Variants in LMTK2 observed in about 807,000 individuals in gnomAD.
LMTK2 encodes the protein lemur tail kinase 2.
Under a neutral mutation model 127.5 loss-of-function variants are expected in LMTK2, and 37 were observed. The observed-to-expected ratio is 0.29, with a 90% CI of 0.22 to 0.38. The LOEUF (loss-of-function observed/expected upper bound fraction) is 0.38. LMTK2 is among the 10% of genes least tolerant of loss of function. LMTK2 has a pLI of 1.00. For missense variants in LMTK2, 1,694 were observed against 1,920.3 expected, an observed-to-expected ratio of 0.88 and a Z score of 2.20; for synonymous variants, 819 against 810.1, an observed-to-expected ratio of 1.01 and a Z score of -0.19.
intron 6 of LMTK2, among the ~76,000 whole-genome samples, chr7:98,163,010 G>T (rs1403601309): frequency 6.6e-6 from 1 of 152,150 alleles, no homozygotes; most frequent in Non-Finnish European, 1.5e-5. Context: ...ATTATGGGAA[G>T]TGAAACAAGC....
chr7:98,141,341 G>C, intron 2 of LMTK2, 56 bp from the exon 3 acceptor site: 1 of 1,507,854 alleles, frequency 6.6e-7, no homozygotes, highest in South Asian at 1.1e-5. Context: ...GTGCAAATAT[G>C]TTCCTATTTT....
chr7:98,182,191 A>C (rs1299090122), intron 7 of LMTK2, among the ~76,000 whole-genome samples: 1 of 152,250 alleles, frequency 6.6e-6, no homozygotes, highest in Non-Finnish European at 1.5e-5. Flanking sequence ...TGATTTATTC[A>C]GCAGTTATTT....
chr7:98,137,276 A>G (rs773252866), intron 1 of LMTK2, 39 bp from the exon 2 acceptor site: 1 of 1,577,892 alleles, frequency 6.3e-7, no homozygotes, highest in Non-Finnish European at 8.6e-7. Context: ...TTGATTTTGG[A>G]ATGTACATGT....
chr7:98,115,850 A>G (rs951236517), intron 1 of LMTK2, among the ~76,000 whole-genome samples: 7 of 152,168 alleles, frequency 4.6e-5, no homozygotes, highest in Admixed American at 2.6e-4. Context: ...CACTTAATAA[A>G]TACCAAATAC....
At position 98,192,335 on chromosome 7, in the gene LMTK2, G is replaced by A. The variant is rs34628253; in HGVS notation, c.1870G>A (p.Val624Met). 3.1e-5 allele frequency: 48 copies of A among 1,571,966 alleles called. No individual in the cohort carries two copies. Among genetic ancestry groups the A allele is most frequent in the East Asian group, 4.5e-5 (2 of 44,756 alleles). Reference sequence around the variant, plus strand: ...CTCTAGCTTACCAGGGGACTTACACGTGACCAGTGGCCCCGAGAGCCCTTT... The same window carrying A: ...CTCTAGCTTACCAGGGGACTTACACATGACCAGTGGCCCCGAGAGCCCTTT... ...KDSSLPGDLH[V>M]TSGPESPFNN... Residue 624 changes from valine to methionine, a missense_variant, in exon 11 of 14, where the codon GTG (valine) becomes ATG (methionine). Transcript: ENST00000297293.
At chr7:98,170,518 C>T (rs1208537248) in intron 6 of LMTK2, among the ~76,000 whole-genome samples, 1 of 151,900 alleles carries the variant, frequency 6.6e-6, no homozygotes, top group Non-Finnish European at 1.5e-5. Flanking sequence ...AAGGAAAATG[C>T]CCTTCCTCAG....
At chr7:98,197,997 C>T (rs1181923667) in intron 11 of LMTK2, among the ~76,000 whole-genome samples, 5 of 152,104 alleles carry the variant, frequency 3.3e-5, no homozygotes, top group Non-Finnish European at 7.4e-5. Flanking sequence ...GGAAGTATTT[C>T]CTTCTCTGAT....
chr7:98,118,563 A>C (rs1360664826), intron 1 of LMTK2, among the ~76,000 whole-genome samples: 3 of 152,130 alleles, frequency 2.0e-5, no homozygotes, highest in Non-Finnish European at 2.9e-5. Context: ...TCAAACATAC[A>C]GAAAAATAGA....
chr7:98,203,651 A>G lies in LMTK2; in HGVS notation c.4185A>G (p.Ser1395=). ...GPDLSGPAPA[S]GSPYLSRCIN... ...ACCTGAGCGGCCCAGCCCCAGCCTC[A>G]GGCTCTCCCTACCTGAGCAGGTGCA... The change falls in exon 12 of 14, where the codon TCA becomes TCG. Residue 1395 remains serine (S), a synonymous_variant. Coordinates refer to ENST00000297293, the MANE Select transcript of LMTK2 (RefSeq NM_014916.4). 6.2e-7 allele frequency: 1 copy of G among 1,613,774 alleles called. No individual in the cohort carries two copies. The highest frequency in any genetic ancestry group is 8.5e-7 in the Non-Finnish European group (1 of 1,179,956).
Position 98,205,739 on chromosome 7 carries a change from C to A in LMTK2, c.*247C>A, listed in dbSNP as rs1797784692. ...TGCCCCGTGCACCCGCGGCCGCGGC[C>A]TCCCAGGCAGTGCTCATGCGCTGGC... On this transcript the variant is annotated 3_prime_UTR_variant, in exon 14 of 14. Coordinates refer to ENST00000297293, the MANE Select transcript of LMTK2 (RefSeq NM_014916.4). The A allele has an allele frequency of 7.0e-6, 4 of 575,004 alleles. No individual in the cohort carries two copies. Among genetic ancestry groups the A allele is most frequent in the African/African-American group, 5.6e-5 (3 of 53,326 alleles). The allele number at this position is 575,004 out of a possible 1,614,324, so 35.6% of individuals were successfully genotyped here.
chr7:98,139,737 A>G (rs1176426273), intron 2 of LMTK2, among the ~76,000 whole-genome samples: 3 of 152,250 alleles, frequency 2.0e-5, no homozygotes, highest in East Asian at 1.9e-4. Context: ...TCTCACACGC[A>G]TATGGAAACA....
At chr7:98,199,890 T>A (rs898035548) in intron 11 of LMTK2, among the ~76,000 whole-genome samples, 3 of 152,222 alleles carry the variant, frequency 2.0e-5, no homozygotes, top group Admixed American at 6.5e-5. Flanking sequence ...TTCTTGCAGA[T>A]CTTATAGTTA....
At chr7:98,115,721 G>A (rs1796271892) in intron 1 of LMTK2, among the ~76,000 whole-genome samples, 4 of 151,952 alleles carry the variant, frequency 2.6e-5, no homozygotes, top group African/African-American at 4.8e-5. Context: ...CCCGGGAGGC[G>A]GAGGTTGCAG....
chr7:98,186,857 T>G lies in LMTK2; in HGVS notation c.877-20T>G, dbSNP rs1562918546. The stretch of plus-strand genomic sequence containing the variant: ...AAGTATAATTCTATTCAAAATTCTG[T>G]GTGCTTTCTAACAAAACAGGAGGAT... On this transcript the variant is annotated intron_variant, in intron 8 of 13. Transcript: ENST00000297293. The G allele has an allele frequency of 1.9e-6, 3 of 1,605,400 alleles. No homozygotes were observed. The highest frequency in any genetic ancestry group is 1.7e-5 in the Admixed American group (1 of 59,224).
intron 3 of LMTK2, among the ~76,000 whole-genome samples, chr7:98,145,040 C>G (rs1287202387): frequency 6.6e-6 from 1 of 152,116 alleles, no homozygotes; most frequent in African/African-American, 2.4e-5. Context: ...TAAAGTGGGT[C>G]AAAGAGTACA....
In LMTK2 at chr7:98,106,946, G is replaced by C. The variant is rs1178729782; in HGVS notation, c.-232G>C. 2.1e-6 allele frequency: 1 copy of C among 468,314 alleles called. No homozygotes were observed. The highest frequency in any genetic ancestry group is 4.4e-5 in the Admixed American group (1 of 22,914). The allele number at this position is 468,314 out of a possible 1,614,324, so 29.0% of individuals were successfully genotyped here. On this transcript the variant is annotated 5_prime_UTR_variant, in exon 1 of 14. It removes the in-frame stop codon of an upstream open reading frame in the 5' UTR. Transcript: ENST00000297293. ...CAGGGCTGCTGGCGTTGCTGCTGTT[G>C]AGAGGCGGCGGCGGCGGCGCAGGCG... is the stretch of plus-strand genomic sequence containing the variant.
At position 98,207,457 on chromosome 7, in the gene LMTK2, T is replaced by C. The variant is rs1220419618; in HGVS notation, c.*1965T>C. The C allele has an allele frequency of 6.8e-6, 1 of 147,752 alleles. No homozygotes were observed. Among genetic ancestry groups the C allele is most frequent in the Non-Finnish European group, 1.5e-5 (1 of 66,460 alleles). The allele number at this position is 147,752 out of a possible 1,614,324, so 9.2% of individuals were successfully genotyped here. A position where few individuals can be genotyped will look rare whatever the true frequency, so the allele number is the denominator to read the frequency against. ...CTGTGTAGGCATGGGGTGGATGCGG[T>C]GCCCACCTGGGCTATGTGGGGAGCA... On this transcript the variant is annotated 3_prime_UTR_variant, in exon 14 of 14. Coordinates refer to ENST00000297293, the MANE Select transcript of LMTK2 (RefSeq NM_014916.4).
chr7:98,187,415 T>G (rs1797452767), intron 9 of LMTK2, among the ~76,000 whole-genome samples: 1 of 152,224 alleles, frequency 6.6e-6, no homozygotes, highest in Non-Finnish European at 1.5e-5. Context: ...ACTAACAATT[T>G]CTGTCACAGC....
At chr7:98,141,815 G>T (rs979002957) in intron 3 of LMTK2, among the ~76,000 whole-genome samples, 1 of 152,232 alleles carries the variant, frequency 6.6e-6, no homozygotes, top group Admixed American at 6.5e-5. Context: ...CCCAGGCTCT[G>T]TTCTGGAGGT....
Sources: allele counts gnomAD v4.1 joint callset (sites outside exome capture counted in the v4.1 genomes callset), GRCh38; gene constraint gnomAD v4.1.1; transcripts MANE v1.5; gene names NCBI Gene and HGNC (gene_info 2026-07-23, HGNC 2026-07-21).